The following VPS8 variants were observed in gnomAD, a reference collection of about 807,000 sequenced individuals.
VPS8 encodes the protein VPS8 subunit of CORVET complex, also known as vacuolar protein sorting-associated protein 8 homolog.
A neutral mutation model predicts 216.4 loss-of-function variants in VPS8; 129 were observed. The ratio of observed to expected loss-of-function variants is 0.60; its 90% CI spans 0.52 to 0.69. VPS8 has a LOEUF of 0.69. Among genes scored for constraint, VPS8 ranks in the 30% least tolerant of loss-of-function variants. The pLI, the probability that VPS8 is intolerant of heterozygous loss-of-function variation, is 0.00. For synonymous variants in VPS8, 571 were observed against 565.4 expected, an observed-to-expected ratio of 1.01 and a Z score of -0.14; for missense variants, 1,531 against 1,683.5, an observed-to-expected ratio of 0.91 and a Z score of 1.59.
intron 37 of VPS8, 121 bp downstream of exon 37, chr3:184,957,642 GT>G: frequency 8.1e-7 from 1 of 1,228,220 alleles, no homozygotes; most frequent in Non-Finnish European, 1.1e-6. Context: ...TAAATTCTTA[GT>G]TGAGACATAC....
At chr3:185,003,469 G>A (rs1753724402) in intron 45 of VPS8, among the ~76,000 whole-genome samples, 1 of 144,076 alleles carries the variant, frequency 6.9e-6, no homozygotes, top group East Asian at 2.0e-4. Context: ...CAGGGTTGGG[G>A]GTAAGGTCAT....
chr3:184,874,064 T>C (rs1230597493), intron 21 of VPS8, among the ~76,000 whole-genome samples: 2 of 152,062 alleles, frequency 1.3e-5, no homozygotes, highest in Non-Finnish European at 2.9e-5. Context: ...GGTTGACTTT[T>C]AAAGTGTTTT....
intron 36 of VPS8, among the ~76,000 whole-genome samples, chr3:184,950,439 T>G (rs1378925085): frequency 6.6e-6 from 1 of 151,774 alleles, no homozygotes; most frequent in Non-Finnish European, 1.5e-5. Context: ...ATCCTCTTCC[T>G]TAGAGAAATG....
chr3:184,841,095 G>C (rs912946949), intron 7 of VPS8, among the ~76,000 whole-genome samples: 1 of 152,114 alleles, frequency 6.6e-6, no homozygotes, highest in African/African-American at 2.4e-5. Flanking sequence ...GGGACCAGAA[G>C]AGTAGAAACA....
At chr3:184,826,325 T>G in intron 3 of VPS8, 94 bp downstream of exon 3, 9 of 855,370 alleles carry the variant, frequency 1.1e-5, no homozygotes, top group Non-Finnish European at 1.6e-5. Context: ...AGATGCGCAC[T>G]TTCCAGTAGG....
chr3:185,009,268 G>C (rs1754669906), intron 45 of VPS8, among the ~76,000 whole-genome samples: 1 of 152,124 alleles, frequency 6.6e-6, no homozygotes, highest in Non-Finnish European at 1.5e-5. Context: ...AAATTCTGTT[G>C]TCCAATAAAA....
At chr3:184,910,171 C>T (rs1268552492) in intron 25 of VPS8, among the ~76,000 whole-genome samples, 1 of 123,464 alleles carries the variant, frequency 8.1e-6, no homozygotes, top group African/African-American at 3.3e-5. Flanking sequence ...CTCATTCTTT[C>T]GCCCAGGCCG....
chr3:184,954,601 C>T (rs1349876433), intron 36 of VPS8, among the ~76,000 whole-genome samples: 3 of 152,146 alleles, frequency 2.0e-5, no homozygotes, highest in African/African-American at 2.4e-5. Flanking sequence ...AGAGAACTGC[C>T]GTGTCCCTAG....
chr3:185,049,863 A>G (rs1713797285), intron 47 of VPS8, among the ~76,000 whole-genome samples: 1 of 151,808 alleles, frequency 6.6e-6, no homozygotes. Flanking sequence ...TCCTTCTTTG[A>G]GAGTTGGTGT....
intron 37 of VPS8, among the ~76,000 whole-genome samples, chr3:184,959,657 A>C (rs367636164): frequency 6.6e-6 from 1 of 152,194 alleles, no homozygotes; most frequent in East Asian, 1.9e-4. Flanking sequence ...TATTTTTCTT[A>C]ATGTCAGGTT....
At chr3:184,831,507 C>T (rs918977381) in intron 3 of VPS8, among the ~76,000 whole-genome samples, 7 of 152,116 alleles carry the variant, frequency 4.6e-5, no homozygotes, top group South Asian at 2.1e-4. Flanking sequence ...CTGAAAGAGA[C>T]GGTGAGACAT....
At chr3:185,019,673 C>T (rs1756364620) in intron 45 of VPS8, among the ~76,000 whole-genome samples, 1 of 152,190 alleles carries the variant, frequency 6.6e-6, no homozygotes, top group South Asian at 2.1e-4. Context: ...GTTCCTTGCC[C>T]TCATTCTGGT....
chr3:184,901,585 C>G (rs1176693584), intron 25 of VPS8, among the ~76,000 whole-genome samples: 2 of 151,480 alleles, frequency 1.3e-5, no homozygotes, highest in East Asian at 3.9e-4. Flanking sequence ...CATAGAGATC[C>G]TATATAGTCT....
At chr3:185,033,301 C>T (rs77187161) in intron 46 of VPS8, among the ~76,000 whole-genome samples, 6,063 of 152,218 alleles carry the variant, frequency 0.04, 212 homozygotes, top group East Asian at 0.1. Context: ...CTGCCTTCTC[C>T]CCAAACTTTC....
At chr3:184,998,541 C>T (rs1026623436) in intron 44 of VPS8, among the ~76,000 whole-genome samples, 1 of 66,654 alleles carries the variant, frequency 1.5e-5, no homozygotes, top group Non-Finnish European at 3.1e-5. Flanking sequence ...ATATATATAG[C>T]GAGAGAGAGA....
intron 13 of VPS8, 132 bp from the exon 14 acceptor site, chr3:184,855,579 C>G (rs971171099): frequency 9.5e-6 from 7 of 738,296 alleles, no homozygotes; most frequent in African/African-American, 1.8e-5. Context: ...CCAGTTAGTT[C>G]TTGCTTTACT....
At position 184,842,186 on chromosome 3, in the gene VPS8, C is replaced by CAAA. The variant is rs71162267; in HGVS notation, c.536-1033_536-1031dup. Among the ~76,000 whole-genome samples the CAAA allele has an allele frequency of 1.7e-3, 83 of 48,870 alleles. 5 individuals are homozygous for CAAA. Among genetic ancestry groups the CAAA allele is most frequent in the East Asian group, 4.2e-3 (4 of 952 alleles). 32.1% of individuals were successfully genotyped at this position (48,870 alleles called of 152,430 possible). ...TGGGTGACAGAGCGAGACTCCGTCT[C>CAAA]AAAAAAAAAAAAAAAAAAAAAAAGA... On this transcript the variant is annotated intron_variant, in intron 7 of 47. Transcript: ENST00000625842.
chr3:184,819,986 G>A (rs80206745), intron 1 of VPS8, among the ~76,000 whole-genome samples: 3,264 of 152,246 alleles, frequency 0.021, 39 homozygotes, highest in Non-Finnish European at 0.036. Flanking sequence ...TTGTCTGAAC[G>A]TTGAGTAGGC....
intron 22 of VPS8, among the ~76,000 whole-genome samples, chr3:184,888,458 C>A (rs527728607): frequency 2.1e-3 from 323 of 152,280 alleles, no homozygotes; most frequent in African/African-American, 7.4e-3. Context: ...AGCAAAGCGC[C>A]ATGATATGTC....
Sources: allele counts gnomAD v4.1 joint callset (sites outside exome capture counted in the v4.1 genomes callset), GRCh38; gene constraint gnomAD v4.1.1; transcripts MANE v1.5; gene names NCBI Gene and HGNC (gene_info 2026-07-23, HGNC 2026-07-21).